CDH4: variants seen among roughly 807,000 people sequenced by gnomAD.
The protein encoded by CDH4 is cadherin-4.
In CDH4, 33 loss-of-function variants were observed where a neutral mutation model predicts 86.0. That is an observed-to-expected ratio of 0.38 (90% CI 0.29 to 0.51). The LOEUF (loss-of-function observed/expected upper bound fraction) is 0.51, where lower values mean the gene tolerates loss of function less well. CDH4 is among the 20% of genes least tolerant of loss of function. CDH4 has a pLI of 0.86. For synonymous variants in CDH4, 555 were observed against 549.4 expected (o/e 1.01, Z -0.14); for missense variants, 1,114 against 1,307.4 (o/e 0.85, Z 2.28).
intron 2 of CDH4, among the ~76,000 whole-genome samples, chr20:61,595,023 T>A (rs1302092941): frequency 6.6e-6 from 1 of 152,214 alleles, no homozygotes; most frequent in Admixed American, 6.5e-5. Flanking sequence ...GTGGGCTCCA[T>A]CCGGGCACCC....
intron 2 of CDH4, among the ~76,000 whole-genome samples, chr20:61,431,931 T>C (rs911059273): frequency 2.6e-5 from 4 of 152,184 alleles, no homozygotes; most frequent in African/African-American, 9.7e-5. Context: ...CACCGATACA[T>C]GGATGTCAGC....
intron 4 of CDH4, among the ~76,000 whole-genome samples, chr20:61,784,641 TTCCTC>T: frequency 1.5e-5 from 1 of 65,408 alleles, no homozygotes; most frequent in Non-Finnish European, 2.8e-5. Context: ...GTAAGCCCAG[TTCCTC>T]GGGACAGTTC....
chr20:61,326,922 A>C (rs758808566), intron 2 of CDH4, among the ~76,000 whole-genome samples: 1 of 152,114 alleles, frequency 6.6e-6, no homozygotes, highest in African/African-American at 2.4e-5. Flanking sequence ...TGAAATAACT[A>C]TTTTCAGTAC....
intron 5 of CDH4, among the ~76,000 whole-genome samples, chr20:61,845,441 G>T (rs966749764): frequency 1.3e-5 from 2 of 152,180 alleles, no homozygotes; most frequent in South Asian, 2.1e-4. Context: ...CTCCCGGGCC[G>T]AACTGACCCT....
At position 61,895,026 on chromosome 20, in the gene CDH4, G is replaced by T; in HGVS notation, c.1167G>T (p.Pro389=). The T allele has an allele frequency of 1.9e-6, 3 of 1,613,760 alleles. No homozygotes were observed. The highest frequency in any genetic ancestry group is 2.5e-6 in the Non-Finnish European group (3 of 1,179,968). ...CGGTGACAGATGTGAATGACAACCC[G>T]CCAGAATTTACCGCCAGCACGGTGA... is the stretch of plus-strand genomic sequence containing the variant. ...IITVTDVNDN[P]PEFTASTFAG... is the part of the protein sequence containing the mutation. Residue 389 remains proline, a synonymous_variant, in exon 8 of 16, where the codon CCG becomes CCT. Coordinates refer to ENST00000614565, the MANE Select transcript of CDH4 (RefSeq NM_001794.5).
chr20:61,858,747 G>A (rs766726067), intron 6 of CDH4, among the ~76,000 whole-genome samples: 140 of 152,164 alleles, frequency 9.2e-4, no homozygotes, highest in Non-Finnish European at 1.6e-3. Flanking sequence ...TCCATAGCTC[G>A]TTCCTTTCTG....
chr20:61,889,773 A>C (rs1359759518), intron 7 of CDH4, among the ~76,000 whole-genome samples: 4 of 147,512 alleles, frequency 2.7e-5, no homozygotes, highest in Non-Finnish European at 6.0e-5. Flanking sequence ...TGGATTATGC[A>C]TGATGGATGG....
intron 4 of CDH4, 131 bp downstream of exon 4, chr20:61,773,313 A>C: frequency 1.1e-6 from 1 of 874,680 alleles, no homozygotes; most frequent in Non-Finnish European, 1.7e-6. Context: ...CCTTTCTGTA[A>C]TGAGATAAGC....
intron 13 of CDH4, 26 bp from the exon 14 acceptor site, chr20:61,932,939 CGCACACCCGCAGCACACCCT>C: frequency 6.3e-7 from 1 of 1,597,008 alleles, no homozygotes; most frequent in East Asian, 2.3e-5. Flanking sequence ...GGCACACATG[CGCACACCCGCAGCACACCCT>C]GCTCACGGGC....
chr20:61,757,760 C>T (rs946250482), intron 3 of CDH4, among the ~76,000 whole-genome samples: 1 of 152,128 alleles, frequency 6.6e-6, no homozygotes, highest in Non-Finnish European at 1.5e-5. Context: ...TGGGCCATGC[C>T]GGCAGGGAGG....
intron 2 of CDH4, among the ~76,000 whole-genome samples, chr20:61,727,871 G>A (rs992469271): frequency 2.0e-5 from 3 of 152,192 alleles, no homozygotes; most frequent in African/African-American, 7.2e-5. Flanking sequence ...CCAACCCTGG[G>A]GATCCAATTT....
chr20:61,538,689 G>T (rs1050056772), intron 2 of CDH4, among the ~76,000 whole-genome samples: 12 of 152,218 alleles, frequency 7.9e-5, no homozygotes, highest in African/African-American at 2.9e-4. Context: ...CCCCAGGAGG[G>T]TGGATGGGAC....
intron 7 of CDH4, among the ~76,000 whole-genome samples, chr20:61,877,252 C>A (rs1054232786): frequency 3.3e-5 from 5 of 152,138 alleles, no homozygotes; most frequent in Admixed American, 6.5e-5. Flanking sequence ...ACTGGCCAGG[C>A]CCCAGTGAGG....
chr20:61,612,984 C>T (rs915891699), intron 2 of CDH4, among the ~76,000 whole-genome samples: 1 of 152,046 alleles, frequency 6.6e-6, no homozygotes, highest in Non-Finnish European at 1.5e-5. Context: ...CGACCATGAA[C>T]AGCCAGCCAC....
In CDH4 at chr20:61,428,612, G is replaced by A. The variant is rs942216504; in HGVS notation, c.169+173675G>A. ...AACAAACCACTGCCCTTTACCACGCGGACCACAGGTGTGCTGATGATAGGA... is the reference window on the plus strand; with the variant it reads ...AACAAACCACTGCCCTTTACCACGCAGACCACAGGTGTGCTGATGATAGGA... On this transcript the variant is annotated intron_variant, in intron 2 of 15. Transcript: ENST00000614565. Among the ~76,000 whole-genome samples, 6 of 152,154 alleles carry A rather than the reference G, an allele frequency of 3.9e-5. No individual in the cohort carries two copies. In the South Asian group the frequency reaches 6.2e-4, roughly 16 times the overall value.
At chr20:61,296,618 A>G (rs1327696814) in intron 2 of CDH4, among the ~76,000 whole-genome samples, 1 of 152,174 alleles carries the variant, frequency 6.6e-6, no homozygotes, top group Non-Finnish European at 1.5e-5. Context: ...TATCGATACA[A>G]TTAGAATAGG....
intron 2 of CDH4, chr20:61,719,075 T>C (rs1472711426): frequency 2.1e-6 from 1 of 471,166 alleles, no homozygotes; most frequent in Non-Finnish European, 4.4e-6. Flanking sequence ...TAGGAAGTGC[T>C]GGCGAAAGCA....
Position 61,516,254 on chromosome 20 carries a change from G to A in CDH4, c.170-227309G>A, listed in dbSNP as rs557193768. On this transcript the variant is annotated intron_variant, in intron 2 of 15. Transcript: ENST00000614565. The surrounding 1 kb of genome is among the most constrained non-coding windows in gnomAD (Gnocchi z 4.0). ...TAAGCAAAACAGGGACAGAGCCACC[G>A]GCCCCACCCTAACAGGAGCAATCCA... Among the ~76,000 whole-genome samples, 6 of 152,258 alleles carry A rather than the reference G, an allele frequency of 3.9e-5. No individual in the cohort carries two copies. The highest frequency in any genetic ancestry group is 2.1e-4 in the South Asian group (1 of 4,822).
At chr20:61,662,596 A>AG (rs2076629383) in intron 2 of CDH4, among the ~76,000 whole-genome samples, 1 of 152,116 alleles carries the variant, frequency 6.6e-6, no homozygotes. Flanking sequence ...GTGTGCCTGG[A>AG]GGACTGGGGC....
Sources: allele counts gnomAD v4.1 joint callset (sites outside exome capture counted in the v4.1 genomes callset), GRCh38; gene constraint gnomAD v4.1.1; non-coding constraint Gnocchi (gnomAD v3.1); transcripts MANE v1.5; gene names NCBI Gene and HGNC (gene_info 2026-07-23, HGNC 2026-07-21).